Variants in ADGRG2 observed in about 807,000 individuals in gnomAD.
ADGRG2 encodes the protein adhesion G protein-coupled receptor G2.
ADGRG2 carries 26 observed loss-of-function variants against 74.1 expected under a neutral mutation model. The ratio of observed to expected loss-of-function variants is 0.35; its 90% CI spans 0.26 to 0.49. The LOEUF is 0.49. ADGRG2 is among the 20% of genes least tolerant of loss of function. The pLI, the probability that ADGRG2 is intolerant of heterozygous loss-of-function variation, is 0.99. For missense variants in ADGRG2, 619 were observed against 763.1 expected (o/e 0.81, Z 2.22); for synonymous variants, 296 against 295.2 (o/e 1.00, Z -0.03).
chrX:19,070,359 G>T (rs142941519), intron 2 of ADGRG2, among the ~76,000 whole-genome samples: 67 of 112,325 alleles, frequency 6.0e-4, no homozygotes, highest in African/African-American at 2.1e-3. Flanking sequence ...CAGATGAGAT[G>T]TGAGGGCTGA....
rs917575211 is a variant in ADGRG2 at position 18,991,365 on chromosome X, G to A, written c.2870-317C>T. Among the ~76,000 whole-genome samples, 4 of 110,899 alleles carry A rather than the reference G, an allele frequency of 3.6e-5. No individual in the cohort carries two copies. In the Admixed American group the frequency reaches 3.9e-4, roughly 11 times the overall value. On this transcript the variant is annotated intron_variant, in intron 28 of 28. Transcript: ENST00000379869. ...AAGGCCCACTTCCTAACTCTGGTTG[G>A]ATATGTTTTGACTTCAAGTAGCAGC... is the stretch of plus-strand genomic sequence containing the variant.
At chrX:19,025,239 G>A (rs373151658) in intron 11 of ADGRG2, among the ~76,000 whole-genome samples, 1 of 111,574 alleles carries the variant, frequency 9.0e-6, no homozygotes, top group African/African-American at 3.3e-5. Flanking sequence ...GTTGCATCTT[G>A]TGTCTTCCCC....
chrX:19,045,369 G>A (rs1456010480), intron 3 of ADGRG2, among the ~76,000 whole-genome samples: 2 of 106,774 alleles, frequency 1.9e-5, no homozygotes, highest in East Asian at 2.9e-4. Flanking sequence ...GTGCAGTGGC[G>A]CAATCTCGGC....
chrX:18,997,760 C>T (rs61733514), intron 26 of ADGRG2, among the ~76,000 whole-genome samples: 1,208 of 111,945 alleles, frequency 0.011, 7 homozygotes, highest in Non-Finnish European at 0.018. Context: ...CTCTGAAAAC[C>T]AACAAGATGA....
At chrX:19,107,394 G>A (rs2062319214) in intron 1 of ADGRG2, among the ~76,000 whole-genome samples, 1 of 112,529 alleles carries the variant, frequency 8.9e-6, no homozygotes. Flanking sequence ...TTGGTCAAAT[G>A]ACCAGATTAG....
At chrX:18,998,600 CTTTT>C (rs768424519) in intron 26 of ADGRG2, among the ~76,000 whole-genome samples, 1 of 81,237 alleles carries the variant, frequency 1.2e-5, no homozygotes, top group Non-Finnish European at 2.4e-5. Flanking sequence ...ACAGATAGTA[CTTTT>C]TTTTTTTTTT....
intron 3 of ADGRG2, among the ~76,000 whole-genome samples, chrX:19,051,001 G>T (rs940676849): frequency 1.9e-4 from 21 of 111,926 alleles, no homozygotes; most frequent in African/African-American, 6.8e-4. Context: ...TTGTGTAAGA[G>T]GAGACTGCTG....
chrX:19,118,513 G>A (rs938281338), intron 1 of ADGRG2, among the ~76,000 whole-genome samples: 1 of 112,019 alleles, frequency 8.9e-6, no homozygotes, highest in African/African-American at 3.2e-5. Flanking sequence ...AGCCTCCTGA[G>A]TAGCAAGGAC....
At chrX:19,023,364 A>G in intron 13 of ADGRG2, 52 bp downstream of exon 13, 1 of 779,187 alleles carries the variant, frequency 1.3e-6, no homozygotes, top group Non-Finnish European at 1.9e-6. Context: ...TTAATACTTT[A>G]TTTCTCATAA....
intron 24 of ADGRG2, among the ~76,000 whole-genome samples, chrX:19,001,703 T>C (rs2060135423): frequency 9.0e-6 from 1 of 111,505 alleles, no homozygotes; most frequent in African/African-American, 3.3e-5. Flanking sequence ...TGACATAAGA[T>C]AGAAGGCAGG....
At chrX:19,093,651 C>T (rs1401534979) in intron 1 of ADGRG2, among the ~76,000 whole-genome samples, 1 of 111,251 alleles carries the variant, frequency 9.0e-6, no homozygotes, top group Non-Finnish European at 1.9e-5. Flanking sequence ...TAGGACTCCT[C>T]CTCCACCCCA....
rs751406318 is a variant in ADGRG2 at position 19,013,773 on chromosome X, G to A, written c.1012C>T (p.Pro338Ser). ...GAAAATGAGGCTTTCACAGGAGGTG[G>A]GGTGCCGGAGACATGGGTTTGGGGC... ...PMPQTHVSGT[P>S]PPVKASFSSP... The change falls in exon 16 of 29, where the codon CCA becomes TCA. Residue 338 changes from proline to serine, a missense_variant. Transcript: ENST00000379869. 1 of 1,197,657 alleles carries A rather than the reference G, an allele frequency of 8.3e-7. No homozygotes were observed. The highest frequency in any genetic ancestry group is 1.9e-5 in the South Asian group (1 of 53,769).
At chrX:19,071,650 C>T (rs1310969099) in intron 2 of ADGRG2, among the ~76,000 whole-genome samples, 1 of 111,303 alleles carries the variant, frequency 9.0e-6, no homozygotes, top group Non-Finnish European at 1.9e-5. Flanking sequence ...TGGATGTGGG[C>T]ACAAGGGAGG....
At chrX:19,031,825 A>G (rs2060831942) in intron 8 of ADGRG2, 1 of 111,992 alleles carries the variant, frequency 8.9e-6, no homozygotes, top group South Asian at 3.7e-4. Context: ...CTCTTCTTCA[A>G]TTTGAAAAGA....
chrX:19,099,246 C>T, intron 1 of ADGRG2, among the ~76,000 whole-genome samples: 1 of 111,978 alleles, frequency 8.9e-6, no homozygotes, highest in East Asian at 2.8e-4. Flanking sequence ...AAACAACAGC[C>T]AAAGTCTAGC....
chrX:19,025,895 C>CAA (rs766825184), intron 11 of ADGRG2, among the ~76,000 whole-genome samples: 1 of 101,396 alleles, frequency 9.9e-6, no homozygotes, highest in Non-Finnish European at 2.0e-5. Context: ...GACTCCATCT[C>CAA]AAAAAAAAAA....
At chrX:19,104,832 G>A (rs532944823) in intron 1 of ADGRG2, among the ~76,000 whole-genome samples, 9 of 102,518 alleles carry the variant, frequency 8.8e-5, no homozygotes, top group African/African-American at 1.5e-4. Flanking sequence ...GAGCAGAATC[G>A]CTTGAACCCG....
chrX:19,075,617 C>CAAAAAAAAA (rs61690480), intron 2 of ADGRG2, among the ~76,000 whole-genome samples: 3 of 39,416 alleles, frequency 7.6e-5, no homozygotes, highest in African/African-American at 8.5e-5. Flanking sequence ...GACTTCGCCT[C>CAAAAAAAAA]AAAAAAAAAA....
chrX:19,020,954 CAA>C lies in ADGRG2; in HGVS notation c.643+148_643+149del, dbSNP rs759719047. On this transcript the variant is annotated intron_variant, in intron 14 of 28. Transcript: ENST00000379869. The stretch of plus-strand genomic sequence containing the variant: ...CTGGTGACAGACTGAGACTCTGCCT[CAA>C]AAAAAAAAGAGAGAGAAATTGCCCA... The C allele has an allele frequency of 1.6e-3, 620 of 385,525 alleles. 5 individuals carry two copies. Among genetic ancestry groups the C allele is most frequent in the African/African-American group, 0.015 (538 of 35,790 alleles). The allele number at this position is 385,525 out of a possible 1,213,427, so 31.8% of individuals were successfully genotyped here.
Sources: allele counts gnomAD v4.1 joint callset (sites outside exome capture counted in the v4.1 genomes callset), GRCh38; gene constraint gnomAD v4.1.1; transcripts MANE v1.5; gene names NCBI Gene and HGNC (gene_info 2026-07-23, HGNC 2026-07-21).